ACTN3: variants seen among roughly 807,000 people sequenced by gnomAD.
ACTN3 encodes actinin alpha 3.
In ACTN3, 91 loss-of-function variants were observed where a neutral mutation model predicts 119.6. The observed-to-expected ratio is 0.76, with a 90% CI of 0.64 to 0.91. The LOEUF (loss-of-function observed/expected upper bound fraction) is 0.91, where lower values mean the gene tolerates loss of function less well. ACTN3 is among the 40% of genes least tolerant of loss of function. ACTN3 has a pLI of 0.00. For missense variants in ACTN3, 1,221 were observed against 1,215.1 expected, an observed-to-expected ratio of 1.00 and a Z score of -0.07; for synonymous variants, 456 against 478.8, an observed-to-expected ratio of 0.95 and a Z score of 0.62.
chr11:66,562,923 T>G lies in ACTN3; in HGVS notation c.2516T>G (p.Val839Gly), dbSNP rs1047345540. Reference sequence around the variant, plus strand: ...GAGACTGACACGACTGAGCAAGTTGTAGCTTCCTTCAAGATCTTGGCAGGA... The same window carrying G: ...GAGACTGACACGACTGAGCAAGTTGGAGCTTCCTTCAAGATCTTGGCAGGA... ...TAETDTTEQV[V>G]ASFKILAGDK... The change falls in exon 20 of 21, where the codon GTA becomes GGA. Residue 839 changes from valine (V) to glycine (G), a missense_variant. Around this residue, in one of 3 missense-constraint regions of ACTN3, gnomAD observed 934 missense variants for 899.9 expected, o/e 1.04. Coordinates refer to ENST00000513398, the MANE Select transcript of ACTN3 (RefSeq NM_001104.4). 19 of 1,613,666 alleles carry G rather than the reference T, an allele frequency of 1.2e-5. No homozygotes were observed. Among genetic ancestry groups the G allele is most frequent in the Non-Finnish European group, 1.4e-5 (17 of 1,179,728 alleles).
chr11:66,549,561 A>G (rs1430116040), intron 1 of ACTN3, among the ~76,000 whole-genome samples: 2 of 151,902 alleles, frequency 1.3e-5, no homozygotes. Context: ...GAGAAACCCC[A>G]TCTCTACTAA....
intron 12 of ACTN3, among the ~76,000 whole-genome samples, 190 bp from the exon 13 acceptor site, chr11:66,559,778 G>A (rs1310880077): frequency 7.8e-6 from 1 of 128,736 alleles, no homozygotes; most frequent in East Asian, 2.5e-4. Context: ...CTAAGGACCC[G>A]CGGGCGCCCA....
intron 15 of ACTN3, 160 bp from the exon 16 acceptor site, chr11:66,561,067 G>C (rs1430535563): frequency 1.8e-6 from 1 of 556,066 alleles, no homozygotes; most frequent in Non-Finnish European, 2.3e-6. Flanking sequence ...GAAAACTGAA[G>C]CCCACATGGG....
Position 66,559,273 on chromosome 11 carries a change from G to A in ACTN3, c.1314G>A (p.Ser438=), listed in dbSNP as rs371957271. 2.1e-5 allele frequency: 33 copies of A among 1,566,770 alleles called. No homozygotes were observed. The highest frequency in any genetic ancestry group is 2.3e-5 in the Non-Finnish European group (27 of 1,158,604). Residue 438 remains serine, a synonymous_variant, in exon 12 of 21, where the codon TCG becomes TCA. Coordinates refer to ENST00000513398, the MANE Select transcript of ACTN3 (RefSeq NM_001104.4). Reference sequence around the variant, plus strand: ...TGCTGAGCCAGCGCGACTACGATTCGGCTTTGCTACAGGAGGTGCGGGCGT... The same window carrying A: ...TGCTGAGCCAGCGCGACTACGATTCAGCTTTGCTACAGGAGGTGCGGGCGT... ...EEMLSQRDYD[S]ALLQEVRALL...
chr11:66,549,096 C>T (rs1018118865), intron 1 of ACTN3, among the ~76,000 whole-genome samples: 1 of 152,212 alleles, frequency 6.6e-6, no homozygotes, highest in Non-Finnish European at 1.5e-5. Context: ...TCCTGCTGCC[C>T]CTCCGGCCTG....
chr11:66,561,256 G>A lies in ACTN3; in HGVS notation c.1890G>A (p.Gln630=). The A allele has an allele frequency of 6.3e-7, 1 of 1,597,400 alleles. No homozygotes were observed. Among genetic ancestry groups the A allele is most frequent in the Non-Finnish European group, 8.5e-7 (1 of 1,173,270 alleles). The change falls in exon 16 of 21, where the codon CAG becomes CAA. Residue 630 remains glutamine, a synonymous_variant. Coordinates refer to ENST00000513398, the MANE Select transcript of ACTN3 (RefSeq NM_001104.4). ...GAAAGCTGGTGCCCAGCTGTGACCA[G>A]ACACTGCAGGAGGAGCTGGCACGGC... ...MVRKLVPSCD[Q]TLQEELARQQ...
intron 19 of ACTN3, among the ~76,000 whole-genome samples, chr11:66,562,544 T>C (rs1374901686): frequency 6.6e-6 from 1 of 151,954 alleles, no homozygotes; most frequent in East Asian, 1.9e-4. Context: ...GAAACAGCAC[T>C]ACAGAAACGG....
At chr11:66,546,626 T>TGGAGAGGAGTAAACAGACTC (rs1857346705), upstream of ACTN3, 1 of 1,534,658 alleles carries the variant, frequency 6.5e-7, no homozygotes, top group African/African-American at 1.4e-5. Flanking sequence ...CTTTCTATTG[T>TGGAGAGGAGTAAACAGACTC]GGAGAGGAGT....
chr11:66,557,625 T>G, intron 9 of ACTN3, 74 bp from the exon 10 acceptor site: 1 of 1,476,170 alleles, frequency 6.8e-7, no homozygotes, highest in Non-Finnish European at 9.2e-7. Flanking sequence ...AGCCTGGGTG[T>G]GGGTGGAGAG....
intron 11 of ACTN3, 46 bp from the exon 12 acceptor site, chr11:66,559,190 G>A: frequency 6.9e-7 from 1 of 1,443,266 alleles, no homozygotes; most frequent in Non-Finnish European, 9.1e-7. Flanking sequence ...GCGCACCCCT[G>A]CCCCTGCCGC....
chr11:66,561,410 G>T (rs1189740719), intron 16 of ACTN3, 48 bp from the exon 17 acceptor site: 2 of 1,605,548 alleles, frequency 1.2e-6, no homozygotes, highest in African/African-American at 1.3e-5. Flanking sequence ...GGCCAGGGCT[G>T]GGCCACAGGG....
Position 66,561,683 on chromosome 11 carries a change from AG to A in ACTN3, c.2175+48del, listed in dbSNP as rs773303347. The A allele has an allele frequency of 6.4e-6, 10 of 1,570,388 alleles. No individual in the cohort carries two copies. In the Admixed American group the frequency reaches 1.6e-4, roughly 25 times the overall value. On this transcript the variant is annotated intron_variant, in intron 17 of 20. Coordinates refer to ENST00000513398, the MANE Select transcript of ACTN3 (RefSeq NM_001104.4). The stretch of plus-strand genomic sequence containing the variant: ...GAGAGTGGGGAGGCAGCACTGGCTG[AG>A]GAGGCCCAGGGAGATCACAGCTGGA...
chr11:66,555,086 C>A, intron 5 of ACTN3, 44 bp from the exon 6 acceptor site: 1 of 1,598,300 alleles, frequency 6.3e-7, no homozygotes, highest in Non-Finnish European at 8.6e-7. Flanking sequence ...AGAACGGGGC[C>A]CCAGCTTGAA....
chr11:66,561,025 A>AT, intron 15 of ACTN3: 1 of 225,312 alleles, frequency 4.4e-6, no homozygotes, highest in Non-Finnish European at 6.8e-6. Context: ...CCATATTAGT[A>AT]AATGATGCCA....
chr11:66,559,819 C>G, intron 12 of ACTN3, 149 bp from the exon 13 acceptor site: 1 of 798,858 alleles, frequency 1.3e-6, no homozygotes, highest in Admixed American at 2.2e-5. Flanking sequence ...GGTACCGCCC[C>G]TCTTGGAAAG....
At chr11:66,555,501 C>A in intron 7 of ACTN3, 134 bp downstream of exon 7, 4 of 849,880 alleles carry the variant, frequency 4.7e-6, no homozygotes, top group Non-Finnish European at 7.5e-6. Context: ...TGGTCACAGT[C>A]CCCCTTCTCC....
rs774179088 is a variant in ACTN3 at position 66,555,124 on chromosome 11, G to C, written c.558-6G>C. ...CAGGCCTGACCCCCCTCTTCTCTCT[G>C]TCCAGCTGGAAGGATGGCCTGGCCC... On this transcript the variant is annotated splice_polypyrimidine_tract_variant and splice_region_variant and intron_variant, in intron 5 of 20. Transcript: ENST00000513398. 211 of 1,613,726 alleles carry C rather than the reference G, an allele frequency of 1.3e-4. No individual in the cohort carries two copies. The highest frequency in any genetic ancestry group is 1.8e-4 in the Non-Finnish European group (209 of 1,179,878).
rs769252562 is a variant in ACTN3, at chr11:66,556,164, G to A, written c.738G>A (p.Lys246=). 6.2e-7 allele frequency: 1 copy of A among 1,613,796 alleles called. No individual in the cohort carries two copies. The highest frequency in any genetic ancestry group is 1.1e-5 in the South Asian group (1 of 91,038). ...LDAEDIVNTP[K]PDEKAIMTYV... is the part of the protein sequence containing the mutation. The stretch of plus-strand genomic sequence containing the variant: ...CCCTAGACATTGTGAACACCCCAAA[G>A]CCGGATGAGAAGGCCATCATGACCT... The change falls in exon 8 of 21, where the codon AAG becomes AAA. Residue 246 remains lysine, a synonymous_variant. Transcript: ENST00000513398.
intron 19 of ACTN3, among the ~76,000 whole-genome samples, chr11:66,562,574 A>C (rs1201827194): frequency 6.6e-6 from 1 of 152,076 alleles, no homozygotes; most frequent in Non-Finnish European, 1.5e-5. Context: ...TGGAAAAAAA[A>C]TCAGGACCAG....
Sources: gnomAD v4.1 joint callset for allele counts (sites outside exome capture counted in the v4.1 genomes callset) on GRCh38, gnomAD v4.1.1 for gene constraint, gnomAD v4.1.1 regional missense constraint, MANE v1.5 for transcripts, NCBI Gene and HGNC (gene_info 2026-07-23, HGNC 2026-07-21) for gene names.